The following LRRC37A2 variants were observed in gnomAD, a reference collection of about 807,000 sequenced individuals.
LRRC37A2 encodes leucine rich repeat containing 37 member A2.
LRRC37A2 carries 9 observed loss-of-function variants against 68.8 expected under a neutral mutation model. The ratio of observed to expected loss-of-function variants is 0.13; its 90% CI spans 0.08 to 0.23. LRRC37A2 has a LOEUF of 0.23. Ranked by LOEUF, LRRC37A2 falls within the 10% of genes least tolerant of loss-of-function variation. The probability of loss-of-function intolerance (pLI) is 1.00; values close to 1 mark genes in which losing one functional copy is unlikely to be tolerated. For synonymous variants in LRRC37A2, 63 were observed against 367.6 expected (o/e 0.17, Z 9.48); for missense variants, 168 against 950.4 (o/e 0.18, Z 10.82).
At chr17:46,544,894 A>G (rs1216075303) in intron 8 of LRRC37A2, among the ~76,000 whole-genome samples, 2 of 137,818 alleles carry the variant, frequency 1.5e-5, no homozygotes, top group Non-Finnish European at 3.1e-5. Flanking sequence ...ATTTCCTTTA[A>G]TCTAAAACAT....
At chr17:46,940,251 T>TTC in the LRRC37A2 span, 1 of 1,422,890 alleles carries the variant, frequency 7.0e-7, no homozygotes, top group Non-Finnish European at 9.2e-7. Context: ...ATTTCACACT[T>TTC]TCGGTTGGAG....
chr17:47,016,065 C>CAA, the LRRC37A2 span, among the ~76,000 whole-genome samples: 1 of 152,162 alleles, frequency 6.6e-6, no homozygotes, highest in African/African-American at 2.4e-5. Context: ...CTGCTTTGGC[C>CAA]TCCTGAGTAG....
chr17:46,532,924 G>C (rs1427449141), intron 6 of LRRC37A2, among the ~76,000 whole-genome samples: 2 of 144,002 alleles, frequency 1.4e-5, no homozygotes, highest in Admixed American at 6.9e-5. Flanking sequence ...AACATACTGA[G>C]AGCTTATCTC....
At chr17:47,021,896 A>G in the LRRC37A2 span, 1 of 1,529,886 alleles carries the variant, frequency 6.5e-7, no homozygotes, top group East Asian at 2.2e-5. Flanking sequence ...AAATGTATGG[A>G]AAGTGTACAG....
the LRRC37A2 span, among the ~76,000 whole-genome samples, chr17:46,772,524 C>T: frequency 6.6e-6 from 1 of 152,174 alleles, no homozygotes; most frequent in East Asian, 1.9e-4. Context: ...CCGACAAGAA[C>T]GAGTTTGAAA....
the LRRC37A2 span, chr17:46,821,256 C>G: frequency 6.6e-6 from 1 of 152,252 alleles, no homozygotes; most frequent in African/African-American, 2.4e-5. Flanking sequence ...ACCAGCGGCC[C>G]TGCCAGGCCC....
chr17:46,710,859 A>G, the LRRC37A2 span: 1 of 940,292 alleles, frequency 1.1e-6, no homozygotes, highest in South Asian at 1.9e-5. Flanking sequence ...TTAATATGGG[A>G]TAGTGATCAA....
chr17:46,743,066 G>A, the LRRC37A2 span, among the ~76,000 whole-genome samples: 2 of 152,066 alleles, frequency 1.3e-5, no homozygotes, highest in African/African-American at 4.8e-5. Context: ...CTCTCTGTGA[G>A]TCACCCCACT....
chr17:46,819,100 G>C, the LRRC37A2 span, among the ~76,000 whole-genome samples: 1 of 152,192 alleles, frequency 6.6e-6, no homozygotes, highest in Admixed American at 6.5e-5. The surrounding 1 kb of genome is among the most constrained non-coding windows in gnomAD (Gnocchi z 5.3). Flanking sequence ...CCGTTGGGAC[G>C]TGGGCCCGCG....
the LRRC37A2 span, chr17:46,930,319 A>G: frequency 6.6e-6 from 1 of 152,338 alleles, no homozygotes; most frequent in East Asian, 1.9e-4. Flanking sequence ...ATGGGGCAAG[A>G]AGCAGTCTGG....
the LRRC37A2 span, among the ~76,000 whole-genome samples, chr17:46,838,131 C>T: frequency 1.3e-5 from 2 of 152,126 alleles, no homozygotes; most frequent in African/African-American, 4.8e-5. Context: ...GGGCAACAGA[C>T]AGCAAAAGCC....
the LRRC37A2 span, among the ~76,000 whole-genome samples, chr17:46,786,536 G>A: frequency 6.6e-6 from 1 of 152,270 alleles, no homozygotes; most frequent in Non-Finnish European, 1.5e-5. Context: ...GGCAAGTGCT[G>A]CCTGGTGACC....
the LRRC37A2 span, among the ~76,000 whole-genome samples, chr17:46,592,912 A>T: frequency 1.5e-5 from 2 of 136,758 alleles, no homozygotes; most frequent in African/African-American, 2.7e-5. Context: ...AGGGAGGGAG[A>T]GGGTGGGTAA....
the LRRC37A2 span, among the ~76,000 whole-genome samples, chr17:46,573,060 C>T: frequency 9.9e-5 from 11 of 111,672 alleles, no homozygotes; most frequent in Admixed American, 4.9e-4. Context: ...TAGCGGCTTC[C>T]CACACCCAAA....
At chr17:47,005,605 C>T in the LRRC37A2 span, 1 of 152,174 alleles carries the variant, frequency 6.6e-6, no homozygotes, top group Non-Finnish European at 1.5e-5. Context: ...AGCAAAACCT[C>T]ATGGTTTCTT....
chr17:47,029,478 T>G, the LRRC37A2 span, among the ~76,000 whole-genome samples: 1 of 152,290 alleles, frequency 6.6e-6, no homozygotes, highest in Non-Finnish European at 1.5e-5. Flanking sequence ...TAGAAAAGAC[T>G]TTCCACCTGC....
the LRRC37A2 span, among the ~76,000 whole-genome samples, chr17:46,899,422 AAACC>A: frequency 2.0e-5 from 3 of 151,628 alleles, no homozygotes; most frequent in African/African-American, 2.4e-5. Flanking sequence ...ACAAACAAAC[AAACC>A]AACAAACAAA....
At chr17:46,750,086 C>T in the LRRC37A2 span, among the ~76,000 whole-genome samples, 1 of 152,318 alleles carries the variant, frequency 6.6e-6, no homozygotes, top group African/African-American at 2.4e-5. Context: ...GGCACGGTGG[C>T]TTATGCCTGT....
the LRRC37A2 span, among the ~76,000 whole-genome samples, chr17:46,727,606 G>C: frequency 1.3e-5 from 2 of 152,142 alleles, no homozygotes; most frequent in Non-Finnish European, 2.9e-5. Context: ...AAGCAAAGCA[G>C]GTATATCTGT....
Sources: gnomAD v4.1 joint callset for allele counts (sites outside exome capture counted in the v4.1 genomes callset) on GRCh38, gnomAD v4.1.1 for gene constraint, Gnocchi (gnomAD v3.1) non-coding constraint, MANE v1.5 for transcripts, NCBI Gene and HGNC (gene_info 2026-07-23, HGNC 2026-07-21) for gene names.